H1-8: variants seen among roughly 807,000 people sequenced by gnomAD.
H1-8 encodes the protein histone H1.8.
Under a neutral mutation model 19.5 loss-of-function variants are expected in H1-8, and 13 were observed. That is an observed-to-expected ratio of 0.67 (90% confidence interval 0.43 to 1.06). H1-8 has a LOEUF of 1.06. H1-8 is among the 50% of genes least tolerant of loss of function. The pLI, the probability that H1-8 is intolerant of heterozygous loss-of-function variation, is 0.00. For missense variants in H1-8, 432 were observed against 459.8 expected (o/e 0.94, Z 0.55); for synonymous variants, 193 against 187.6 (o/e 1.03, Z -0.24).
At chr3:129,548,965 G>A in intron 2 of H1-8, 36 bp from the exon 3 acceptor site, 1 of 1,558,140 alleles carries the variant, frequency 6.4e-7, no homozygotes, top group Non-Finnish European at 8.7e-7. Flanking sequence ...GGCACCTGAG[G>A]CTCTGCTTTC....
At position 129,549,197 on chromosome 3, in the gene H1-8, C is replaced by T. The variant is rs140663891; in HGVS notation, c.575C>T (p.Ala192Val). 4.2e-5 allele frequency: 66 copies of T among 1,568,176 alleles called. No individual in the cohort carries two copies. Among genetic ancestry groups the T allele is most frequent in the Non-Finnish European group, 5.6e-5 (65 of 1,155,960 alleles). The change falls in exon 3 of 5, where the codon GCA (alanine) becomes GTA (valine). Residue 192 changes from alanine (A) to valine (V), a missense_variant. Physicochemically the swap from Ala to Val is moderately conservative, Grantham distance 64. Coordinates refer to ENST00000324382, the MANE Select transcript of H1-8 (RefSeq NM_153833.3). Reference sequence around the variant, plus strand: ...CAGAAGCCTCCTCCCAAGCCAGGCGCAGCCACAGAGAAGGCTCGCAAGCAA... The same window carrying T: ...CAGAAGCCTCCTCCCAAGCCAGGCGTAGCCACAGAGAAGGCTCGCAAGCAA... ...KVQKPPPKPG[A>V]ATEKARKQGG... is the part of the protein sequence containing the mutation.
chr3:129,546,122 CAATAATAATAATAATAATAAT>C (rs56301839), intron 1 of H1-8, among the ~76,000 whole-genome samples: 1 of 139,230 alleles, frequency 7.2e-6, no homozygotes, highest in Non-Finnish European at 1.5e-5. Flanking sequence ...ATAACAATAA[CAATAATAATAATAATAATAAT>C]AATAATAATA....
Position 129,548,936 on chromosome 3 carries a change from C to T in H1-8, c.379-65C>T, listed in dbSNP as rs569735818. On this transcript the variant is annotated intron_variant, in intron 2 of 4. Coordinates refer to ENST00000324382, the MANE Select transcript of H1-8 (RefSeq NM_153833.3). ...ACGAGGCCTCCCATTCGGAGTCTTACGGGGGGTGGGGGGCGTGAGGCACCT... is the reference window on the plus strand; with the variant it reads ...ACGAGGCCTCCCATTCGGAGTCTTATGGGGGGTGGGGGGCGTGAGGCACCT... 205 of 1,530,090 alleles carry T rather than the reference C, an allele frequency of 1.3e-4. 3 individuals carry two copies. In the African/African-American group the frequency reaches 2.1e-3, roughly 16 times the overall value. 94.8% of individuals were successfully genotyped at this position (1,530,090 alleles called of 1,614,324 possible). A position where few individuals can be genotyped will look rare whatever the true frequency, so the allele number is the denominator to read the frequency against.
Position 129,551,421 on chromosome 3 carries a change from T to C in H1-8, c.*81T>C. On this transcript the variant is annotated 3_prime_UTR_variant, in exon 5 of 5. Coordinates refer to ENST00000324382, the MANE Select transcript of H1-8 (RefSeq NM_153833.3). ...ACTAACCACTGCTCTATTTATTTCA[T>C]TGTAAGCTATTTATCAATAAAGACT... 1 of 844,760 alleles carries C rather than the reference T, an allele frequency of 1.2e-6. No homozygotes were observed. Among genetic ancestry groups the C allele is most frequent in the Non-Finnish European group, 1.9e-6 (1 of 539,112 alleles). The allele number at this position is 844,760 out of a possible 1,614,324, so 52.3% of individuals were successfully genotyped here. A position where few individuals can be genotyped will look rare whatever the true frequency, so the allele number is the denominator to read the frequency against.
At chr3:129,550,474 G>A (rs2084925245) in intron 3 of H1-8, among the ~76,000 whole-genome samples, 1 of 152,172 alleles carries the variant, frequency 6.6e-6, no homozygotes, top group South Asian at 2.1e-4. Context: ...CCCGTTAGAC[G>A]TTGGCTTTGG....
At chr3:129,549,862 G>A (rs1473045199) in intron 3 of H1-8, among the ~76,000 whole-genome samples, 2 of 152,178 alleles carry the variant, frequency 1.3e-5, no homozygotes, top group African/African-American at 4.8e-5. Flanking sequence ...GCTGAGGCAG[G>A]AAAATCACTT....
Position 129,551,231 on chromosome 3 carries a change from T to C in H1-8, c.932T>C (p.Val311Ala), listed in dbSNP as rs754003458. 2 of 1,614,204 alleles carry C rather than the reference T, an allele frequency of 1.2e-6. No homozygotes were observed. The highest frequency in any genetic ancestry group is 2.2e-5 in the East Asian group (1 of 44,886). Residue 311 changes from valine (V) to alanine (A), a missense_variant, in exon 5 of 5, where the codon GTA becomes GCA. Physicochemically the swap from Val to Ala is moderately conservative, Grantham distance 64 (BLOSUM62 0). Transcript: ENST00000324382. ...GCTAAGGGCAGTGGGTCCAAGGTGG[T>C]ACCTGCACATTTGTCCAGGAAGACA... ...APAKGSGSKV[V>A]PAHLSRKTEA...
chr3:129,544,165 C>T (rs2084871236), intron 1 of H1-8, among the ~76,000 whole-genome samples: 1 of 152,082 alleles, frequency 6.6e-6, no homozygotes, highest in South Asian at 2.1e-4. Flanking sequence ...GGCCCAGAGG[C>T]CAGCGCACCA....
rs1333663180 is a variant in H1-8, at chr3:129,549,118, G to A, written c.496G>A (p.Asp166Asn). The A allele has an allele frequency of 1.3e-6, 2 of 1,593,258 alleles. No homozygotes were observed. The highest frequency in any genetic ancestry group is 2.2e-5 in the South Asian group (2 of 88,906). ...CAAGAAACCAAGTGAGGCCAAGGAG[G>A]ACCCTCCCAACGTGGGCAAGGTGAA... ...GPKKPSEAKE[D>N]PPNVGKVKKA... The change falls in exon 3 of 5, where the codon GAC (aspartate) becomes AAC (asparagine). Residue 166 changes from aspartate to asparagine, a missense_variant. By Grantham distance (23) the Asp-to-Asn change is conservative. Coordinates refer to ENST00000324382, the MANE Select transcript of H1-8 (RefSeq NM_153833.3).
Position 129,549,339 on chromosome 3 carries a change from G to A in H1-8, c.717G>A (p.Lys239=). 6.2e-7 allele frequency: 1 copy of A among 1,601,540 alleles called. No individual in the cohort carries two copies. The highest frequency in any genetic ancestry group is 8.5e-7 in the Non-Finnish European group (1 of 1,175,254). The change falls in exon 3 of 5, where the codon AAG becomes AAA. Residue 239 remains lysine (K), a synonymous_variant. Coordinates refer to ENST00000324382, the MANE Select transcript of H1-8 (RefSeq NM_153833.3). ...CTGGTGGGCTCAGCAGGAAGGCAAA[G>A]GCCAAAGGCAGCAGGAGCAGCCAAG... The part of the protein sequence containing the change: ...SSAGGLSRKA[K]AKGSRSSQGD...
chr3:129,543,184 G>C lies in H1-8; in HGVS notation c.-35G>C. The stretch of plus-strand genomic sequence containing the variant: ...GGGCAGGCCCAGCAGCCTCACACCC[G>C]GGTGAGGGGTCTGCTGGCTGCACCT... On this transcript the variant is annotated 5_prime_UTR_variant, in exon 1 of 5. Coordinates refer to ENST00000324382, the MANE Select transcript of H1-8 (RefSeq NM_153833.3). 6.5e-7 allele frequency: 1 copy of C among 1,538,398 alleles called. No homozygotes were observed. Among genetic ancestry groups the C allele is most frequent in the South Asian group, 1.2e-5 (1 of 86,674 alleles).
chr3:129,550,796 C>T lies in H1-8; in HGVS notation c.794C>T (p.Pro265Leu). ...AAAGCTGAGAGTAAGAGTTCAAAAC[C>T]CACGGCCAGCAAGGTAGGTGCCTGC... ...KTKAESKSSK[P>L]TASKVKNGAA... The change falls in exon 4 of 5, where the codon CCC (proline) becomes CTC (leucine). Residue 265 changes from proline to leucine, a missense_variant. By Grantham distance (98) the Pro-to-Leu change is moderately conservative. Transcript: ENST00000324382. The T allele has an allele frequency of 6.2e-7, 1 of 1,613,538 alleles. No homozygotes were observed. Among genetic ancestry groups the T allele is most frequent in the South Asian group, 1.1e-5 (1 of 90,970 alleles).
chr3:129,549,205 G>A lies in H1-8; in HGVS notation c.583G>A (p.Glu195Lys). The A allele has an allele frequency of 6.4e-7, 1 of 1,570,768 alleles. No homozygotes were observed. The highest frequency in any genetic ancestry group is 8.6e-7 in the Non-Finnish European group (1 of 1,157,420). Residue 195 changes from glutamate (E) to lysine (K), a missense_variant, in exon 3 of 5, where the codon GAG (glutamate) becomes AAG (lysine). Glu to Lys is a moderately conservative substitution (Grantham distance 56, BLOSUM62 1). Transcript: ENST00000324382. The stretch of plus-strand genomic sequence containing the variant: ...TCCTCCCAAGCCAGGCGCAGCCACA[G>A]AGAAGGCTCGCAAGCAAGGCGGCGC... ...KPPPKPGAAT[E>K]KARKQGGAAK...
Position 129,543,374 on chromosome 3 carries a change from C to T in H1-8, c.88+68C>T. 4 of 1,147,770 alleles carry T rather than the reference C, an allele frequency of 3.5e-6. No homozygotes were observed. In the South Asian group the frequency reaches 5.3e-5, roughly 15 times the overall value. 71.1% of individuals were successfully genotyped at this position (1,147,770 alleles called of 1,614,324 possible). ...ACTCCCTGGGTTGCCTTTGATGCTC[C>T]ACCCCTGCTTCTCGTTCTTTCCCAG... is the stretch of plus-strand genomic sequence containing the variant. On this transcript the variant is annotated intron_variant, in intron 1 of 4. Transcript: ENST00000324382.
At chr3:129,550,127 A>AT (rs932557262) in intron 3 of H1-8, among the ~76,000 whole-genome samples, 8 of 151,910 alleles carry the variant, frequency 5.3e-5, no homozygotes, top group African/African-American at 1.7e-4. Flanking sequence ...TAGAGTTATT[A>AT]TTTTTTTTCC....
At position 129,548,937 on chromosome 3, in the gene H1-8, G is replaced by T. The variant is rs912343720; in HGVS notation, c.379-64G>T. 11 of 1,529,106 alleles carry T rather than the reference G, an allele frequency of 7.2e-6. No individual in the cohort carries two copies. In the Admixed American group the frequency reaches 1.3e-4, roughly 18 times the overall value. 94.7% of individuals were successfully genotyped at this position (1,529,106 alleles called of 1,614,324 possible). A position where few individuals can be genotyped will look rare whatever the true frequency, so the allele number is the denominator to read the frequency against. Reference sequence around the variant, plus strand: ...CGAGGCCTCCCATTCGGAGTCTTACGGGGGGTGGGGGGCGTGAGGCACCTG... The same window carrying T: ...CGAGGCCTCCCATTCGGAGTCTTACTGGGGGTGGGGGGCGTGAGGCACCTG... On this transcript the variant is annotated intron_variant, in intron 2 of 4. Transcript: ENST00000324382.
In H1-8 at chr3:129,548,703, G is replaced by GCT. The variant is rs368694726; in HGVS notation, c.379-298_379-297insCT. On this transcript the variant is annotated intron_variant, in intron 2 of 4. Transcript: ENST00000324382. ...CTGCTGAGCGTCAAGGGGCGAGGTG[G>GCT]TGGGGGCATGGGGCATGAGGCAGGG... Among the ~76,000 whole-genome samples, 2,626 of 152,254 alleles carry GCT rather than the reference G, an allele frequency of 0.017. 314 individuals carry two copies. The East Asian group carries it at 0.31, about 18-fold the overall frequency.
chr3:129,546,617 C>T (rs1167043618), intron 1 of H1-8, among the ~76,000 whole-genome samples: 1 of 152,204 alleles, frequency 6.6e-6, no homozygotes, highest in Non-Finnish European at 1.5e-5. Flanking sequence ...CCTTCCAGTG[C>T]TCACATTTAT....
rs768669140 is a variant in H1-8 at position 129,543,315 on chromosome 3, G to C, written c.88+9G>C. The C allele has an allele frequency of 1.2e-5, 19 of 1,605,978 alleles. No individual in the cohort carries two copies. The South Asian group carries it at 2.0e-4, about 17-fold the overall frequency. On this transcript the variant is annotated intron_variant, in intron 1 of 4. Coordinates refer to ENST00000324382, the MANE Select transcript of H1-8 (RefSeq NM_153833.3). ...TGAATCTGAAAAGCCAGGTGAGCAA[G>C]AGGAGGCAGCTCCTCCCTCATCCCT...
Sources: allele counts gnomAD v4.1 joint callset (sites outside exome capture counted in the v4.1 genomes callset), GRCh38; gene constraint gnomAD v4.1.1; transcripts MANE v1.5; gene names NCBI Gene and HGNC (gene_info 2026-07-23, HGNC 2026-07-21).